The following CD109 variants were observed in gnomAD, a reference collection of about 807,000 sequenced individuals.
CD109 encodes CD109 antigen.
A neutral mutation model predicts 165.8 loss-of-function variants in CD109; 149 were observed. The observed-to-expected ratio is 0.90, with a 90% confidence interval of 0.79 to 1.03. CD109 has a LOEUF of 1.03. Among genes scored for constraint, CD109 ranks in the 50% least tolerant of loss-of-function variants. The pLI, the probability that CD109 is intolerant of heterozygous loss-of-function variation, is 0.00. For missense variants in CD109, 1,712 were observed against 1,677.8 expected (o/e 1.02, Z -0.36); for synonymous variants, 585 against 592.1 (o/e 0.99, Z 0.18).
At chr6:73,744,602 G>A (rs1296168730) in intron 5 of CD109, among the ~76,000 whole-genome samples, 1 of 152,024 alleles carries the variant, frequency 6.6e-6, no homozygotes. Flanking sequence ...TATAATTTTG[G>A]TGCCATATTA....
rs771318755 is a variant in CD109, at chr6:73,765,890, A to G, written c.1108-40A>G. The stretch of plus-strand genomic sequence containing the variant: ...CGGAAACTGTATTTAATCGTACTTA[A>G]ATCCTTTGTGTTTTTAAGATGTTTT... On this transcript the variant is annotated intron_variant, in intron 10 of 32. Coordinates refer to ENST00000287097, the MANE Select transcript of CD109 (RefSeq NM_133493.5). The G allele has an allele frequency of 2.4e-5, 33 of 1,402,076 alleles. 3 individuals are homozygous for G. In the South Asian group the frequency reaches 3.8e-4, roughly 16 times the overall value. 86.9% of individuals were successfully genotyped at this position (1,402,076 alleles called of 1,614,324 possible). A position where few individuals can be genotyped will look rare whatever the true frequency, so the allele number is the denominator to read the frequency against.
At chr6:73,806,022 A>G (rs1389320337) in intron 24 of CD109, among the ~76,000 whole-genome samples, 1 of 152,224 alleles carries the variant, frequency 6.6e-6, no homozygotes, top group Non-Finnish European at 1.5e-5. Flanking sequence ...GTATATACCC[A>G]AAGGATTATA....
At chr6:73,715,331 G>C (rs1771694473) in intron 2 of CD109, among the ~76,000 whole-genome samples, 1 of 152,020 alleles carries the variant, frequency 6.6e-6, no homozygotes, top group Non-Finnish European at 1.5e-5. Flanking sequence ...GGGAAGTCAA[G>C]GTGGGAGGAT....
rs1195383736 is a variant in CD109 at position 73,814,950 on chromosome 6, C to T, written c.3769-31C>T. 7 of 1,444,402 alleles carry T rather than the reference C, an allele frequency of 4.8e-6. No individual in the cohort carries two copies. The South Asian group carries it at 9.7e-5, about 20-fold the overall frequency. The allele number at this position is 1,444,402 out of a possible 1,614,324, so 89.5% of individuals were successfully genotyped here. ...CAAAATGATGGAAATTTATGTCCAA[C>T]TTGTTATTTATGCTAGTTTATTTTT... On this transcript the variant is annotated intron_variant, in intron 29 of 32. Transcript: ENST00000287097.
intron 2 of CD109, among the ~76,000 whole-genome samples, chr6:73,714,485 C>T (rs187394320): frequency 4.2e-4 from 64 of 152,320 alleles, no homozygotes; most frequent in Admixed American, 1.5e-3. Flanking sequence ...TGCAGTTTCC[C>T]CCTTTCCCTT....
Position 73,787,377 on chromosome 6 carries a change from G to T in CD109, c.2481G>T (p.Leu827=), listed in dbSNP as rs1402910309. 6.2e-7 allele frequency: 1 copy of T among 1,613,964 alleles called. No homozygotes were observed. The highest frequency in any genetic ancestry group is 1.7e-5 in the Admixed American group (1 of 60,000). The change falls in exon 21 of 33, where the codon CTG becomes CTT. Residue 827 remains leucine, a synonymous_variant. Transcript: ENST00000287097. ...TTTTTCCCATCAGGCCAACACATCT[G>T]GGAGAAATTCCTATCACAGTCACAG... ...TVLFPIRPTH[L]GEIPITVTAL... is the part of the protein sequence containing the mutation.
At position 73,766,871 on chromosome 6, in the gene CD109, C is replaced by A. The variant is rs371115932; in HGVS notation, c.1434+11C>A. ...GATGAAAATATAAAGGTAATGCTTA[C>A]AATTCACTTGAGAATTACAATATAA... On this transcript the variant is annotated intron_variant, in intron 12 of 32. Coordinates refer to ENST00000287097, the MANE Select transcript of CD109 (RefSeq NM_133493.5). 6.2e-7 allele frequency: 1 copy of A among 1,605,412 alleles called. No individual in the cohort carries two copies. Among genetic ancestry groups the A allele is most frequent in the Non-Finnish European group, 8.5e-7 (1 of 1,172,624 alleles).
At chr6:73,716,136 T>C (rs1771735608) in intron 2 of CD109, among the ~76,000 whole-genome samples, 1 of 152,250 alleles carries the variant, frequency 6.6e-6, no homozygotes. Context: ...TGAGTAGTAC[T>C]TAATTGTGTA....
At chr6:73,743,980 G>A (rs1236719139) in intron 5 of CD109, among the ~76,000 whole-genome samples, 2 of 152,176 alleles carry the variant, frequency 1.3e-5, no homozygotes, top group African/African-American at 2.4e-5. Context: ...CAAAGGCCCC[G>A]ATAAACACCT....
chr6:73,773,730 G>A (rs934050758), intron 15 of CD109, among the ~76,000 whole-genome samples: 8 of 151,956 alleles, frequency 5.3e-5, no homozygotes, highest in African/African-American at 2.4e-5. Flanking sequence ...CATTTTGCTC[G>A]TGTACAGATT....
At chr6:73,759,447 A>G (rs1773527983) in intron 7 of CD109, among the ~76,000 whole-genome samples, 1 of 152,060 alleles carries the variant, frequency 6.6e-6, no homozygotes, top group East Asian at 1.9e-4. Context: ...AAGTGCTGAG[A>G]CTACAGGCAT....
At chr6:73,698,566 A>C (rs980402034) in intron 2 of CD109, among the ~76,000 whole-genome samples, 1 of 152,228 alleles carries the variant, frequency 6.6e-6, no homozygotes, top group Non-Finnish European at 1.5e-5. Context: ...GGTATTCATT[A>C]CATAAGTGTT....
Position 73,764,883 on chromosome 6 carries a change from G to A in CD109, c.1108-1047G>A, listed in dbSNP as rs373823558. On this transcript the variant is annotated intron_variant, in intron 10 of 32. Transcript: ENST00000287097. ...GGAGGGGTCACTTGTTGAATGGGTC[G>A]GTAGACGTTTCAGGTAGTTTCTGAT... Among the ~76,000 whole-genome samples, 4 of 151,748 alleles carry A rather than the reference G, an allele frequency of 2.6e-5. No individual in the cohort carries two copies. In the East Asian group the frequency reaches 5.8e-4, roughly 22 times the overall value.
At position 73,827,345 on chromosome 6, in the gene CD109, A is replaced by G. The variant is rs552201056; in HGVS notation, c.*3712A>G. On this transcript the variant is annotated 3_prime_UTR_variant, in exon 33 of 33. Transcript: ENST00000287097. ...TCATAGATGAGTTTCAGAACCTTTT[A>G]CGTTCTCGGTAGAGGCTTCTGTCGG... 1 of 149,770 alleles carries G rather than the reference A, an allele frequency of 6.7e-6. No individual in the cohort carries two copies. Among genetic ancestry groups the G allele is most frequent in the African/African-American group, 2.5e-5 (1 of 40,718 alleles). The allele number at this position is 149,770 out of a possible 1,614,324, so 9.3% of individuals were successfully genotyped here.
chr6:73,769,418 T>C (rs1773963071), intron 14 of CD109, among the ~76,000 whole-genome samples: 1 of 152,172 alleles, frequency 6.6e-6, no homozygotes, highest in South Asian at 2.1e-4. Context: ...AAGACCAGGT[T>C]CTAAAGCTGG....
chr6:73,690,169 C>G, the CD109 span, among the ~76,000 whole-genome samples: 2 of 152,126 alleles, frequency 1.3e-5, no homozygotes, highest in African/African-American at 4.8e-5. Flanking sequence ...CCTTTTATTT[C>G]CCTTAAGAGC....
At chr6:73,749,557 T>C (rs1003355943) in intron 5 of CD109, among the ~76,000 whole-genome samples, 2 of 152,200 alleles carry the variant, frequency 1.3e-5, no homozygotes, top group African/African-American at 4.8e-5. Context: ...GTATTTCATT[T>C]TGTAGACAAC....
chr6:73,820,436 T>G, intron 31 of CD109, 25 bp from the exon 32 acceptor site: 2 of 1,381,110 alleles, frequency 1.4e-6, no homozygotes, highest in Non-Finnish European at 2.1e-6. Context: ...TGCCAACCCC[T>G]TAAGACTCTT....
At chr6:73,749,631 A>G (rs751407748) in intron 5 of CD109, among the ~76,000 whole-genome samples, 20 of 152,252 alleles carry the variant, frequency 1.3e-4, no homozygotes, top group Non-Finnish European at 2.6e-4. Context: ...AAATTTCAAT[A>G]TAGGACTTCT....
Sources: gnomAD v4.1 joint callset for allele counts (sites outside exome capture counted in the v4.1 genomes callset) on GRCh38, gnomAD v4.1.1 for gene constraint, MANE v1.5 for transcripts, NCBI Gene and HGNC (gene_info 2026-07-23, HGNC 2026-07-21) for gene names.